Variants in ITGA9 observed in about 807,000 individuals in gnomAD.
The protein encoded by ITGA9 is integrin subunit alpha 9, also known as integrin alpha-9.
In ITGA9, 56 loss-of-function variants were observed where a neutral mutation model predicts 127.8. The ratio of observed to expected loss-of-function variants is 0.44; its 90% CI spans 0.35 to 0.55. The LOEUF (loss-of-function observed/expected upper bound fraction) is 0.55. Ranked by LOEUF, ITGA9 falls within the 20% of genes least tolerant of loss-of-function variation. The pLI is 0.00. For synonymous variants in ITGA9, 508 were observed against 514.5 expected (o/e 0.99, Z 0.17); for missense variants, 1,196 against 1,347.1 (o/e 0.89, Z 1.76).
chr3:37,685,490 G>A (rs1479170689), intron 18 of ITGA9, among the ~76,000 whole-genome samples: 1 of 152,186 alleles, frequency 6.6e-6, no homozygotes, highest in Non-Finnish European at 1.5e-5. Context: ...TATGGTTCAA[G>A]TATCGCTGGC....
At chr3:37,801,121 C>CG (rs2125561290) in intron 26 of ITGA9, among the ~76,000 whole-genome samples, 1 of 152,136 alleles carries the variant, frequency 6.6e-6, no homozygotes, top group South Asian at 2.1e-4. Context: ...GTTGAGATTG[C>CG]CCCACCGCAC....
chr3:37,561,855 A>G (rs1699493893), intron 15 of ITGA9, among the ~76,000 whole-genome samples: 1 of 152,146 alleles, frequency 6.6e-6, no homozygotes, highest in Non-Finnish European at 1.5e-5. Context: ...CCGGGGACTC[A>G]TCTCTCAGCC....
At chr3:37,601,978 G>A (rs1165396650) in intron 15 of ITGA9, among the ~76,000 whole-genome samples, 2 of 152,218 alleles carry the variant, frequency 1.3e-5, no homozygotes, top group East Asian at 1.9e-4. Context: ...GGAAGCAAGC[G>A]GGGAGTGGAG....
At chr3:37,744,917 G>A (rs991772845) in intron 22 of ITGA9, among the ~76,000 whole-genome samples, 5 of 152,222 alleles carry the variant, frequency 3.3e-5, no homozygotes, top group Non-Finnish European at 7.3e-5. Flanking sequence ...AAGACCTGGC[G>A]GCACTGGCCG....
intron 26 of ITGA9, among the ~76,000 whole-genome samples, 156 bp downstream of exon 26, chr3:37,785,234 C>A (rs1003151945): frequency 2.0e-5 from 3 of 152,092 alleles, no homozygotes; most frequent in Non-Finnish European, 4.4e-5. Context: ...GCTTCCAGGC[C>A]CCCCCTGGAG....
chr3:37,534,718 A>G (rs1019641610), intron 14 of ITGA9, among the ~76,000 whole-genome samples: 4 of 152,268 alleles, frequency 2.6e-5, no homozygotes, highest in African/African-American at 9.6e-5. Context: ...AAACCATACC[A>G]TAAAACTTGG....
chr3:37,549,960 A>G (rs535478592), intron 15 of ITGA9, among the ~76,000 whole-genome samples: 105 of 152,364 alleles, frequency 6.9e-4, no homozygotes, highest in African/African-American at 2.4e-3. Flanking sequence ...AAGAATTCCC[A>G]TAATATTCAG....
Position 37,579,770 on chromosome 3 carries a change from C to T in ITGA9, c.1689+37185C>T, listed in dbSNP as rs968952734. On this transcript the variant is annotated intron_variant, in intron 15 of 27. Coordinates refer to ENST00000264741, the MANE Select transcript of ITGA9 (RefSeq NM_002207.3). ...TATCAGATCCTAGGCCATTTGGAAG[C>T]CAGGAGCTTATCCTCTCCTCTTTGT... Among the ~76,000 whole-genome samples the T allele has an allele frequency of 2.6e-5, 4 of 152,236 alleles. No homozygotes were observed. In the East Asian group the frequency reaches 5.8e-4, roughly 22 times the overall value.
chr3:37,559,295 T>C (rs1699462938), intron 15 of ITGA9, among the ~76,000 whole-genome samples: 1 of 151,672 alleles, frequency 6.6e-6, no homozygotes, highest in Non-Finnish European at 1.5e-5. Context: ...CACACACACA[T>C]ATACACCCCA....
At chr3:37,609,415 G>T (rs545750532) in intron 15 of ITGA9, among the ~76,000 whole-genome samples, 44 of 152,300 alleles carry the variant, frequency 2.9e-4, no homozygotes, top group African/African-American at 9.6e-4. Flanking sequence ...ACTCTGCCCT[G>T]CTCAGAGTAC....
At chr3:37,648,014 G>A (rs2125644764) in intron 16 of ITGA9, among the ~76,000 whole-genome samples, 1 of 152,266 alleles carries the variant, frequency 6.6e-6, no homozygotes, top group African/African-American at 2.4e-5. Flanking sequence ...ATGAGGTACT[G>A]ATTTCATTCT....
At chr3:37,589,584 G>C (rs753075686) in intron 15 of ITGA9, among the ~76,000 whole-genome samples, 14 of 152,208 alleles carry the variant, frequency 9.2e-5, no homozygotes, top group Non-Finnish European at 1.8e-4. Flanking sequence ...AGGGTGGTTA[G>C]GGTAGGCCTC....
At chr3:37,551,592 TC>T (rs761504025) in intron 15 of ITGA9, among the ~76,000 whole-genome samples, 15 of 152,344 alleles carry the variant, frequency 9.8e-5, no homozygotes, top group Admixed American at 5.2e-4. Context: ...GTGTCACTAT[TC>T]TTTCCTTTGT....
At chr3:37,461,399 G>A (rs1466660443) in intron 1 of ITGA9, among the ~76,000 whole-genome samples, 1 of 152,122 alleles carries the variant, frequency 6.6e-6, no homozygotes, top group Non-Finnish European at 1.5e-5. Context: ...AGTAATAAGG[G>A]TACATCCCTC....
chr3:37,504,229 G>A (rs1247611825), intron 6 of ITGA9, among the ~76,000 whole-genome samples: 2 of 152,158 alleles, frequency 1.3e-5, no homozygotes, highest in African/African-American at 4.8e-5. Flanking sequence ...TAGTGCTGTT[G>A]CTTATTAAGC....
intron 11 of ITGA9, among the ~76,000 whole-genome samples, chr3:37,521,956 A>G (rs899217806): frequency 6.6e-6 from 1 of 152,120 alleles, no homozygotes; most frequent in African/African-American, 2.4e-5. Context: ...GGAGGATGGC[A>G]AGCAGCCTTC....
intron 16 of ITGA9, among the ~76,000 whole-genome samples, chr3:37,646,150 AT>A (rs1190825388): frequency 2.0e-5 from 3 of 152,254 alleles, no homozygotes; most frequent in Non-Finnish European, 2.9e-5. Context: ...CAAACAGCCC[AT>A]AGGCCAAATC....
At chr3:37,752,244 T>A (rs899954656) in intron 23 of ITGA9, among the ~76,000 whole-genome samples, 7 of 152,222 alleles carry the variant, frequency 4.6e-5, no homozygotes, top group Admixed American at 1.3e-4. Context: ...ACTTTGGCCT[T>A]ATGGGACTTT....
At chr3:37,669,401 C>T (rs1309921241) in intron 17 of ITGA9, among the ~76,000 whole-genome samples, 1 of 152,198 alleles carries the variant, frequency 6.6e-6, no homozygotes, top group African/African-American at 2.4e-5. Flanking sequence ...TGCCCACAGC[C>T]TTGGTCCACT....
Sources: gnomAD v4.1 joint callset for allele counts (sites outside exome capture counted in the v4.1 genomes callset) on GRCh38, gnomAD v4.1.1 for gene constraint, MANE v1.5 for transcripts, NCBI Gene and HGNC (gene_info 2026-07-23, HGNC 2026-07-21) for gene names.